The following HEMK2 variants were observed in gnomAD, a reference collection of about 807,000 sequenced individuals.
HEMK2 encodes the protein methyltransferase HEMK2.
the HEMK2 span, among the ~76,000 whole-genome samples, chr21:28,797,085 T>C: frequency 6.6e-6 from 1 of 152,198 alleles, no homozygotes; most frequent in Non-Finnish European, 1.5e-5. Context: ...CCAATAGAGA[T>C]AAGGAATTGG....
the HEMK2 span, among the ~76,000 whole-genome samples, chr21:28,758,276 GA>G: frequency 6.6e-6 from 1 of 152,188 alleles, no homozygotes; most frequent in Admixed American, 6.5e-5. Flanking sequence ...AACAGAACAA[GA>G]AAGGCAGGAG....
chr21:28,623,050 C>T, the HEMK2 span, among the ~76,000 whole-genome samples: 4 of 152,048 alleles, frequency 2.6e-5, no homozygotes, highest in Non-Finnish European at 5.9e-5. Flanking sequence ...AAGAGGCAAC[C>T]TACAGGATGA....
chr21:28,704,689 CCT>C, the HEMK2 span, among the ~76,000 whole-genome samples: 2 of 152,060 alleles, frequency 1.3e-5, no homozygotes, highest in African/African-American at 4.8e-5. Flanking sequence ...CTAATTTACC[CCT>C]GACTTTCAGC....
chr21:28,711,847 T>C, the HEMK2 span, among the ~76,000 whole-genome samples: 1 of 152,162 alleles, frequency 6.6e-6, no homozygotes, highest in East Asian at 1.9e-4. Context: ...AGGGTGCCCA[T>C]ATTTTCGAGC....
At chr21:28,724,962 T>C in the HEMK2 span, among the ~76,000 whole-genome samples, 2 of 152,080 alleles carry the variant, frequency 1.3e-5, no homozygotes, top group African/African-American at 4.8e-5. Context: ...TTGAATTTTT[T>C]TGGTAGAGGC....
the HEMK2 span, among the ~76,000 whole-genome samples, chr21:28,761,126 A>G: frequency 6.6e-6 from 1 of 152,168 alleles, no homozygotes; most frequent in Non-Finnish European, 1.5e-5. Flanking sequence ...TTCAACAAAT[A>G]TAAGTTAGCT....
the HEMK2 span, among the ~76,000 whole-genome samples, chr21:28,827,806 C>CTT: frequency 3.3e-5 from 5 of 152,138 alleles, no homozygotes; most frequent in Admixed American, 2.6e-4. Flanking sequence ...TTGCATGCTG[C>CTT]TTTTAATACT....
At chr21:28,775,343 C>T in the HEMK2 span, among the ~76,000 whole-genome samples, 3 of 152,142 alleles carry the variant, frequency 2.0e-5, no homozygotes, top group Non-Finnish European at 4.4e-5. Context: ...AGAGTTTGAA[C>T]TTGTTGAGAC....
At chr21:28,657,823 C>A in the HEMK2 span, among the ~76,000 whole-genome samples, 3 of 151,998 alleles carry the variant, frequency 2.0e-5, no homozygotes, top group Non-Finnish European at 4.4e-5. Context: ...ATAATGGTAT[C>A]TTGGGCCAAG....
At chr21:28,581,513 C>T in the HEMK2 span, among the ~76,000 whole-genome samples, 1 of 152,136 alleles carries the variant, frequency 6.6e-6, no homozygotes, top group Admixed American at 6.5e-5. Flanking sequence ...GGGTTACATA[C>T]CTCAAGGGCA....
the HEMK2 span, among the ~76,000 whole-genome samples, chr21:28,884,917 A>T: frequency 6.6e-6 from 1 of 152,064 alleles, no homozygotes; most frequent in Non-Finnish European, 1.5e-5. Flanking sequence ...TCTCTCAGGG[A>T]CATGTGTTCT....
the HEMK2 span, among the ~76,000 whole-genome samples, chr21:28,730,418 A>ACACACACACACACACACACAATTTAT: frequency 3.3e-4 from 47 of 142,290 alleles, no homozygotes; most frequent in African/African-American, 1.1e-3. Flanking sequence ...ACACACACAC[A>ACACACACACACACACACACAATTTAT]TTTCTCACAA....
chr21:28,626,765 A>C, the HEMK2 span: 1 of 152,226 alleles, frequency 6.6e-6, no homozygotes, highest in Non-Finnish European at 1.5e-5. Context: ...CAAGTAGCCA[A>C]CAAGTACATG....
the HEMK2 span, among the ~76,000 whole-genome samples, chr21:28,808,744 T>A: frequency 6.6e-6 from 1 of 152,310 alleles, no homozygotes; most frequent in African/African-American, 2.4e-5. Flanking sequence ...TAAATTCACT[T>A]ATGAGTTCTA....
chr21:28,600,291 A>C, the HEMK2 span, among the ~76,000 whole-genome samples: 2 of 152,266 alleles, frequency 1.3e-5, no homozygotes, highest in African/African-American at 4.8e-5. Context: ...ATCTAGGCAG[A>C]GGTTCCCAAA....
At chr21:28,866,161 C>G in the HEMK2 span, among the ~76,000 whole-genome samples, 1 of 77,444 alleles carries the variant, frequency 1.3e-5, no homozygotes, top group African/African-American at 4.9e-5. Context: ...AAAACAAAAA[C>G]AAACAAAAAA....
the HEMK2 span, among the ~76,000 whole-genome samples, chr21:28,833,472 T>C: frequency 6.6e-6 from 1 of 152,244 alleles, no homozygotes; most frequent in African/African-American, 2.4e-5. Context: ...AAGATCTTTC[T>C]CAATGACTCT....
chr21:28,720,539 C>T, the HEMK2 span, among the ~76,000 whole-genome samples: 1 of 152,138 alleles, frequency 6.6e-6, no homozygotes, highest in Non-Finnish European at 1.5e-5. Context: ...TTGAGACCAG[C>T]TTGGCCAACA....
At chr21:28,758,273 C>T in the HEMK2 span, among the ~76,000 whole-genome samples, 2 of 152,108 alleles carry the variant, frequency 1.3e-5, no homozygotes, top group African/African-American at 4.8e-5. Context: ...AACAACAGAA[C>T]AAGAAAGGCA....
Sources: allele counts gnomAD v4.1 joint callset (sites outside exome capture counted in the v4.1 genomes callset), GRCh38; gene constraint gnomAD v4.1.1; transcripts MANE v1.5; gene names NCBI Gene and HGNC (gene_info 2026-07-23, HGNC 2026-07-21).